RORA: variants seen among roughly 807,000 people sequenced by gnomAD.
The protein encoded by RORA is RAR related orphan receptor A.
RORA carries 7 observed loss-of-function variants against 69.5 expected under a neutral mutation model. The observed-to-expected ratio is 0.10, with a 90% CI of 0.06 to 0.19. RORA has a LOEUF of 0.19. RORA is among the 10% of genes least tolerant of loss of function. The pLI is 1.00. For synonymous variants in RORA, 261 were observed against 240.8 expected (o/e 1.08, Z -0.78); for missense variants, 457 against 663.0 (o/e 0.69, Z 3.41).
At chr15:60,706,427 G>T (rs1057043315) in intron 1 of RORA, 15 of 152,150 alleles carry the variant, frequency 9.9e-5, no homozygotes, top group African/African-American at 3.1e-4. Context: ...GTCTGTATGG[G>T]GTATTTTGGG....
intron 2 of RORA, among the ~76,000 whole-genome samples, chr15:60,597,962 A>G (rs1047016956): frequency 2.6e-5 from 4 of 152,010 alleles, no homozygotes; most frequent in Middle Eastern, 3.4e-3. Flanking sequence ...ACTCCATGGT[A>G]TGGTGGAATG....
At chr15:61,021,546 G>C (rs1361301973) in intron 1 of RORA, among the ~76,000 whole-genome samples, 1 of 152,180 alleles carries the variant, frequency 6.6e-6, no homozygotes, top group Non-Finnish European at 1.5e-5. Flanking sequence ...GGCTGATCAA[G>C]GTTCAAACAC....
chr15:61,039,681 G>A (rs975626433), intron 1 of RORA, among the ~76,000 whole-genome samples: 3 of 146,564 alleles, frequency 2.0e-5, no homozygotes, highest in Non-Finnish European at 4.4e-5. Context: ...GGAGGTGGAC[G>A]TTACAGTGAG....
chr15:61,148,710 C>T (rs533533664), intron 1 of RORA, among the ~76,000 whole-genome samples: 1 of 152,324 alleles, frequency 6.6e-6, no homozygotes, highest in South Asian at 2.1e-4. Context: ...AGATAATTCT[C>T]TAACCAAATG....
intron 1 of RORA, among the ~76,000 whole-genome samples, chr15:61,042,460 G>A (rs952239293): frequency 6.6e-6 from 1 of 152,118 alleles, no homozygotes; most frequent in African/African-American, 2.4e-5. Flanking sequence ...GATACTACCC[G>A]CTGGAGTACG....
chr15:60,584,368 T>G (rs1268721045), intron 2 of RORA, among the ~76,000 whole-genome samples: 2 of 152,238 alleles, frequency 1.3e-5, no homozygotes, highest in East Asian at 3.8e-4. Flanking sequence ...AGTATAGGGT[T>G]TGACTTTATC....
intron 1 of RORA, among the ~76,000 whole-genome samples, chr15:60,925,658 C>T (rs186880403): frequency 1.2e-4 from 19 of 152,338 alleles, no homozygotes; most frequent in Non-Finnish European, 2.5e-4. Context: ...ATCATCAGAC[C>T]GGCCATTGGC....
chr15:60,524,576 C>A (rs2066284446), intron 3 of RORA, among the ~76,000 whole-genome samples: 2 of 152,200 alleles, frequency 1.3e-5, no homozygotes, highest in African/African-American at 4.8e-5. Flanking sequence ...CCCATGTGTA[C>A]CTTTAAGAGT....
At chr15:60,631,038 C>T (rs1457154132) in intron 2 of RORA, among the ~76,000 whole-genome samples, 1 of 151,898 alleles carries the variant, frequency 6.6e-6, no homozygotes, top group Non-Finnish European at 1.5e-5. Context: ...TACAGGCACC[C>T]ACCACCACAC....
chr15:60,592,928 C>T (rs1382187571), intron 2 of RORA: 5 of 455,616 alleles, frequency 1.1e-5, no homozygotes, highest in African/African-American at 4.0e-5. Context: ...CGCTGGCTTG[C>T]CGGAGCACTC....
At chr15:60,665,112 G>A (rs1307230423) in intron 2 of RORA, among the ~76,000 whole-genome samples, 1 of 152,144 alleles carries the variant, frequency 6.6e-6, no homozygotes, top group African/African-American at 2.4e-5. Context: ...ACAAATAAAT[G>A]TCATTTCTTT....
At chr15:61,028,055 A>T (rs1396587751) in intron 1 of RORA, among the ~76,000 whole-genome samples, 2 of 152,110 alleles carry the variant, frequency 1.3e-5, no homozygotes, top group Non-Finnish European at 2.9e-5. Context: ...TTTTTTCCCC[A>T]AATACTGACA....
Position 60,900,567 on chromosome 15 carries a change from T to C in RORA, c.167-221881A>G, listed in dbSNP as rs151171290. ...ATATCTTATTTCCAAAACTGCCTTA[T>C]AATCTATAAAATGAGGACCATATGG... On this transcript the variant is annotated intron_variant, in intron 1 of 10. Coordinates refer to ENST00000335670, the MANE Select transcript of RORA (RefSeq NM_134261.3). Among the ~76,000 whole-genome samples, 18 of 152,254 alleles carry C rather than the reference T, an allele frequency of 1.2e-4. No homozygotes were observed. The East Asian group carries it at 2.3e-3, about 20-fold the overall frequency.
intron 1 of RORA, among the ~76,000 whole-genome samples, chr15:61,005,696 C>T (rs1894889658): frequency 6.6e-6 from 1 of 152,158 alleles, no homozygotes; most frequent in African/African-American, 2.4e-5. Context: ...ACTTAACACT[C>T]ACAACAACAC....
chr15:60,826,769 CTCTCTCTCTCTCTCTCTCTCTTTTTTT>C (rs1193427489), intron 1 of RORA, among the ~76,000 whole-genome samples: 32 of 67,518 alleles, frequency 4.7e-4, no homozygotes, highest in Admixed American at 1.4e-3. Flanking sequence ...CTCTCTCCCT[CTCTCTCTCTCTCTCTCTCTCTTTTTTT>C]TTTAAAGACA....
At chr15:60,768,336 G>GTGA (rs2072020810) in intron 1 of RORA, among the ~76,000 whole-genome samples, 1 of 152,188 alleles carries the variant, frequency 6.6e-6, no homozygotes, top group African/African-American at 2.4e-5. Context: ...CTGTGGGATC[G>GTGA]TGATGGGGCT....
At chr15:61,183,911 T>C (rs182067314) in intron 1 of RORA, among the ~76,000 whole-genome samples, 1 of 152,280 alleles carries the variant, frequency 6.6e-6, no homozygotes, top group Admixed American at 6.5e-5. Context: ...ACGCCTTGTC[T>C]AACCTTTCCC....
intron 1 of RORA, among the ~76,000 whole-genome samples, chr15:61,171,741 G>A (rs922154773): frequency 6.6e-6 from 1 of 152,198 alleles, no homozygotes; most frequent in African/African-American, 2.4e-5. Flanking sequence ...TACATCTTTA[G>A]CAGAGAGGCC....
intron 1 of RORA, among the ~76,000 whole-genome samples, chr15:60,921,760 A>G (rs1329424855): frequency 6.6e-6 from 1 of 152,156 alleles, no homozygotes; most frequent in Non-Finnish European, 1.5e-5. Flanking sequence ...TTTACGCTAC[A>G]TCTTCCTCAT....
Sources: allele counts gnomAD v4.1 joint callset (sites outside exome capture counted in the v4.1 genomes callset), GRCh38; gene constraint gnomAD v4.1.1; transcripts MANE v1.5; gene names NCBI Gene and HGNC (gene_info 2026-07-23, HGNC 2026-07-21).